Variants in PDE1A observed in about 807,000 individuals in gnomAD.
PDE1A encodes the protein dual specificity calcium/calmodulin-dependent 3',5'-cyclic nucleotide phosphodiesterase 1A.
A neutral mutation model predicts 61.7 loss-of-function variants in PDE1A; 35 were observed. That is an observed-to-expected ratio of 0.57 (90% CI 0.43 to 0.75). PDE1A has a LOEUF of 0.75. PDE1A is among the 30% of genes least tolerant of loss of function. The probability of loss-of-function intolerance (pLI) is 0.00; values close to 1 mark genes in which losing one functional copy is unlikely to be tolerated. For missense variants in PDE1A, 597 were observed against 630.6 expected, an observed-to-expected ratio of 0.95 and a Z score of 0.57; for synonymous variants, 232 against 213.2, an observed-to-expected ratio of 1.09 and a Z score of -0.77.
At chr2:182,255,889 C>G (rs1376828320) in intron 2 of PDE1A, among the ~76,000 whole-genome samples, 2 of 151,656 alleles carry the variant, frequency 1.3e-5, no homozygotes, top group South Asian at 2.1e-4. Flanking sequence ...AACTCCTGAC[C>G]TTGTGATCTG....
At position 182,226,049 on chromosome 2, in the gene PDE1A, A is replaced by G. The variant is rs1224669747; in HGVS notation, c.676-2085T>C. Reference sequence around the variant, plus strand: ...ATGAAATGAATAGCAATTGAAGTTAAACTAGTTTTGTACCCTAGAAACCCA... The same window carrying G: ...ATGAAATGAATAGCAATTGAAGTTAGACTAGTTTTGTACCCTAGAAACCCA... On this transcript the variant is annotated intron_variant, in intron 6 of 13. Transcript: ENST00000351439. Among the ~76,000 whole-genome samples the G allele has an allele frequency of 1.3e-5, 2 of 149,774 alleles. 1 individual carries two copies. The highest frequency in any genetic ancestry group is 5.1e-5 in the African/African-American group (2 of 39,394).
At chr2:182,229,403 G>A (rs1448287507) in intron 6 of PDE1A, among the ~76,000 whole-genome samples, 2 of 152,032 alleles carry the variant, frequency 1.3e-5, no homozygotes, top group Non-Finnish European at 2.9e-5. Flanking sequence ...GAATCATCCT[G>A]AGTTCTAAGA....
the PDE1A span, among the ~76,000 whole-genome samples, chr2:182,589,090 A>T: frequency 1.2e-4 from 15 of 129,854 alleles, no homozygotes; most frequent in South Asian, 1.0e-3. Context: ...TAATAATAAT[A>T]ATTTTAATGA....
intron 1 of PDE1A, among the ~76,000 whole-genome samples, chr2:182,425,047 T>C (rs1254350885): frequency 6.6e-6 from 1 of 152,190 alleles, no homozygotes; most frequent in Non-Finnish European, 1.5e-5. Flanking sequence ...ACCTTCCCCA[T>C]AGCACCTAAG....
At chr2:182,667,921 A>G in the PDE1A span, among the ~76,000 whole-genome samples, 5 of 152,208 alleles carry the variant, frequency 3.3e-5, 1 homozygote, top group African/African-American at 1.2e-4. Flanking sequence ...TTGAGATATA[A>G]TATCAAGGAA....
the PDE1A span, among the ~76,000 whole-genome samples, chr2:182,543,755 C>G: frequency 6.6e-6 from 1 of 151,852 alleles, no homozygotes; most frequent in Non-Finnish European, 1.5e-5. Context: ...ACTCCAGATA[C>G]TCGTGAAAAA....
At chr2:182,490,019 A>C (rs1688279648) in intron 2 of PDE1A, among the ~76,000 whole-genome samples, 1 of 56,300 alleles carries the variant, frequency 1.8e-5, no homozygotes, top group South Asian at 5.5e-4. Context: ...AAGAAAACTG[A>C]GAAGGAGTAG....
chr2:182,569,759 C>A, the PDE1A span, among the ~76,000 whole-genome samples: 2 of 152,208 alleles, frequency 1.3e-5, no homozygotes, highest in Non-Finnish European at 2.9e-5. Flanking sequence ...TAACAATTAA[C>A]AATCTTCTGC....
intron 2 of PDE1A, among the ~76,000 whole-genome samples, chr2:182,433,229 T>C (rs1288995505): frequency 1.3e-5 from 2 of 152,086 alleles, no homozygotes; most frequent in African/African-American, 4.8e-5. Flanking sequence ...TTTTACTCTG[T>C]CATAGCTAAC....
intron 1 of PDE1A, among the ~76,000 whole-genome samples, chr2:182,391,640 A>T (rs1313304259): frequency 2.6e-5 from 4 of 152,186 alleles, no homozygotes; most frequent in African/African-American, 9.7e-5. Context: ...ACAATCACTC[A>T]ACTGGAAAAC....
chr2:182,476,678 C>T (rs1463397089), intron 2 of PDE1A, among the ~76,000 whole-genome samples: 2 of 151,666 alleles, frequency 1.3e-5, no homozygotes, highest in Non-Finnish European at 1.5e-5. Flanking sequence ...AGAATCAAAG[C>T]TTATCAGAAT....
At chr2:182,695,666 C>CAAAAAAAAAAAAAAAAA in the PDE1A span, among the ~76,000 whole-genome samples, 1 of 32,874 alleles carries the variant, frequency 3.0e-5, no homozygotes, top group Admixed American at 4.1e-4. Context: ...GGCCCTCTCT[C>CAAAAAAAAAAAAAAAAA]AAAAAAAAAA....
At chr2:182,386,016 C>G (rs560889426) in intron 1 of PDE1A, among the ~76,000 whole-genome samples, 10 of 152,186 alleles carry the variant, frequency 6.6e-5, no homozygotes, top group Admixed American at 6.5e-4. Context: ...TGTGCCGCCA[C>G]GCCTGACTGT....
chr2:182,526,448 G>T (rs943093007), upstream of PDE1A, among the ~76,000 whole-genome samples: 4 of 152,188 alleles, frequency 2.6e-5, no homozygotes, highest in Non-Finnish European at 4.4e-5. Context: ...TGAAACCAAG[G>T]TCCTCCCAGA....
chr2:182,364,467 A>AG (rs1699706049), intron 1 of PDE1A, among the ~76,000 whole-genome samples: 1 of 44,160 alleles, frequency 2.3e-5, no homozygotes, highest in East Asian at 5.3e-4. Flanking sequence ...ACACTTTGGT[A>AG]AAAAAAAAAA....
At chr2:182,520,277 A>C (rs1180042617) in intron 2 of PDE1A, among the ~76,000 whole-genome samples, 1 of 151,932 alleles carries the variant, frequency 6.6e-6, no homozygotes, top group African/African-American at 2.4e-5. Flanking sequence ...CTAAGCCTTG[A>C]ACACTGAAAA....
downstream of PDE1A, among the ~76,000 whole-genome samples, chr2:182,144,501 C>A (rs1690391222): frequency 1.3e-5 from 2 of 152,178 alleles, no homozygotes; most frequent in Admixed American, 6.5e-5. Context: ...GGGTTTCTTT[C>A]TTGTCCTAAG....
At chr2:182,379,755 T>C (rs920879710) in intron 1 of PDE1A, among the ~76,000 whole-genome samples, 2 of 152,198 alleles carry the variant, frequency 1.3e-5, no homozygotes, top group Non-Finnish European at 2.9e-5. Context: ...AAAGTGGGTA[T>C]TTTTCAGGAT....
At chr2:182,400,707 G>A (rs1299333042) in intron 1 of PDE1A, among the ~76,000 whole-genome samples, 1 of 152,168 alleles carries the variant, frequency 6.6e-6, no homozygotes, top group Non-Finnish European at 1.5e-5. Context: ...GTTTAATACA[G>A]TAAGAGGAAG....
Sources: gnomAD v4.1 joint callset for allele counts (sites outside exome capture counted in the v4.1 genomes callset) on GRCh38, gnomAD v4.1.1 for gene constraint, MANE v1.5 for transcripts, NCBI Gene and HGNC (gene_info 2026-07-23, HGNC 2026-07-21) for gene names.